ZNF248: variants seen among roughly 807,000 people sequenced by gnomAD.
ZNF248 encodes the protein KRAB protein domain.
In ZNF248, 20 loss-of-function variants were observed where a neutral mutation model predicts 44.3. The observed-to-expected ratio is 0.45, with a 90% confidence interval of 0.32 to 0.66. The LOEUF is 0.66. ZNF248 is among the 30% of genes least tolerant of loss of function. The pLI is 0.04. For missense variants in ZNF248, 654 were observed against 677.0 expected (o/e 0.97, Z 0.38); for synonymous variants, 224 against 229.0 (o/e 0.98, Z 0.20).
At chr10:37,787,157 T>G (rs996263098) in intron 6 of ZNF248, among the ~76,000 whole-genome samples, 1 of 152,076 alleles carries the variant, frequency 6.6e-6, no homozygotes, top group African/African-American at 2.4e-5. Flanking sequence ...TACACGCCTG[T>G]AGTCCCAGCT....
downstream of ZNF248, among the ~76,000 whole-genome samples, chr10:37,825,866 A>C (rs113290221): frequency 5.0e-4 from 75 of 151,244 alleles, no homozygotes; most frequent in African/African-American, 1.6e-3. Flanking sequence ...TAATTTGAAG[A>C]CGACAACTTG....
Position 37,784,416 on chromosome 10 carries a change from GCCA to G in ZNF248, c.331-7844_331-7842del, listed in dbSNP as rs1664454474. Among the ~76,000 whole-genome samples, 3 of 152,302 alleles carry G rather than the reference GCCA, an allele frequency of 2.0e-5. No individual in the cohort carries two copies. In the South Asian group the frequency reaches 6.2e-4, roughly 32 times the overall value. Reference sequence around the variant, plus strand: ...TGTCTCCTGGACTTGTGGAGTAAGAGCCACCAATTGTAGTTAAGGCCACTGATG... The same window carrying G: ...TGTCTCCTGGACTTGTGGAGTAAGAGCCAATTGTAGTTAAGGCCACTGATG... On this transcript the variant is annotated intron_variant, in intron 6 of 6. Transcript: ENST00000615949.
chr10:37,806,447 G>A (rs1436329830), intron 6 of ZNF248, among the ~76,000 whole-genome samples: 1 of 151,942 alleles, frequency 6.6e-6, no homozygotes, highest in African/African-American at 2.4e-5. Context: ...TTGAGGATTA[G>A]GTGGTATCTC....
intron 3 of ZNF248, among the ~76,000 whole-genome samples, chr10:37,855,337 G>A (rs1332412933): frequency 6.6e-6 from 1 of 152,098 alleles, no homozygotes; most frequent in Non-Finnish European, 1.5e-5. Context: ...GAGGAAGGGA[G>A]TGTGAATATA....
intron 3 of ZNF248, 109 bp downstream of exon 3, chr10:37,856,187 A>T: frequency 2.4e-6 from 3 of 1,252,450 alleles, no homozygotes; most frequent in Non-Finnish European, 3.4e-6. Flanking sequence ...TATTTCCCTT[A>T]ATGTCAATTT....
rs1433706873 is a variant in ZNF248 at position 37,832,446 on chromosome 10, C to T, written c.909G>A (p.Gly303=). The T allele has an allele frequency of 6.2e-7, 1 of 1,613,900 alleles. No individual in the cohort carries two copies. The highest frequency in any genetic ancestry group is 1.1e-5 in the South Asian group (1 of 91,074). Residue 303 remains glycine, a synonymous_variant, in exon 6 of 6, where the codon GGG becomes GGA. Transcript: ENST00000395867. ...KDNPYEYNEY[G]EIFCDNSAFI... is the part of the protein sequence containing the mutation. The stretch of plus-strand genomic sequence containing the variant: ...AAGCTGAATTGTCACAGAAGATTTC[C>T]CCATATTCATTATATTCATAAGGAT...
chr10:37,840,278 T>C (rs1469749466), intron 3 of ZNF248, among the ~76,000 whole-genome samples: 1 of 152,100 alleles, frequency 6.6e-6, no homozygotes, highest in Non-Finnish European at 1.5e-5. Flanking sequence ...TGCAAACACT[T>C]ACCTAAAAAG....
In ZNF248 at chr10:37,832,325, T is replaced by C. The variant is rs751843873; in HGVS notation, c.1030A>G (p.Ile344Val). ...WEKSALLKHQIVHMGGKSYDY... is the reference protein window; with the variant it reads ...WEKSALLKHQVVHMGGKSYDY... ...TAAGACTTTCCCCCCATGTGTACTA[T>C]TTGATGTTTTAAGAGAGCTGACTTT... The change falls in exon 6 of 6, where the codon ATA becomes GTA. Residue 344 changes from isoleucine (I) to valine (V), a missense_variant. Transcript: ENST00000395867. 2.5e-5 allele frequency: 40 copies of C among 1,613,982 alleles called. No individual in the cohort carries two copies. Among genetic ancestry groups the C allele is most frequent in the African/African-American group, 4.0e-5 (3 of 74,926 alleles).
chr10:37,781,563 G>A lies in ZNF248; in HGVS notation c.331-4988C>T, dbSNP rs114524647. On this transcript the variant is annotated intron_variant, in intron 6 of 6. Coordinates refer to the ZNF248 transcript ENST00000615949. ...TAATGCCTCAGTACACCCCTTAGCC[G>A]TTAATTCAGTTAATCTGTTAACCCA... Among the ~76,000 whole-genome samples, 411 of 152,252 alleles carry A rather than the reference G, an allele frequency of 2.7e-3. 1 individual carries two copies. Among genetic ancestry groups the A allele is most frequent in the African/African-American group, 8.9e-3 (369 of 41,544 alleles).
At chr10:37,813,614 C>G (rs1208703) in intron 6 of ZNF248, among the ~76,000 whole-genome samples, 9,135 of 152,036 alleles carry the variant, frequency 0.06, 355 homozygotes, top group Middle Eastern at 0.095. Flanking sequence ...TTTTTCTTTA[C>G]CTTACTTTAT....
intron 6 of ZNF248, among the ~76,000 whole-genome samples, chr10:37,809,726 T>C (rs1211033241): frequency 2.0e-5 from 3 of 152,224 alleles, no homozygotes; most frequent in Non-Finnish European, 4.4e-5. Context: ...GTATGTTTTG[T>C]TTCTGTTTTC....
At chr10:37,838,897 G>T (rs113871568) in intron 3 of ZNF248, among the ~76,000 whole-genome samples, 64 of 152,156 alleles carry the variant, frequency 4.2e-4, no homozygotes, top group African/African-American at 1.4e-3. Flanking sequence ...ACACATACAT[G>T]GTATGTGTGC....
intron 6 of ZNF248, among the ~76,000 whole-genome samples, chr10:37,788,768 T>C (rs930337922): frequency 7.9e-5 from 12 of 152,234 alleles, no homozygotes; most frequent in East Asian, 5.8e-4. Context: ...GTTGAGGATA[T>C]GGAGAAACTG....
At chr10:37,762,253 T>A in the ZNF248 span, among the ~76,000 whole-genome samples, 1 of 152,228 alleles carries the variant, frequency 6.6e-6, no homozygotes, top group African/African-American at 2.4e-5. Flanking sequence ...ATGTTCCTCA[T>A]AATAGTGCTA....
At chr10:37,801,633 A>G (rs1298318839) in intron 6 of ZNF248, among the ~76,000 whole-genome samples, 1 of 152,212 alleles carries the variant, frequency 6.6e-6, no homozygotes, top group Non-Finnish European at 1.5e-5. Context: ...CAAAAAACCC[A>G]TAAATATAGG....
At chr10:37,777,032 A>G (rs2046651522) in intron 6 of ZNF248, among the ~76,000 whole-genome samples, 1 of 152,170 alleles carries the variant, frequency 6.6e-6, no homozygotes, top group South Asian at 2.1e-4. Flanking sequence ...AATTTTTTAC[A>G]TATGCCAAAA....
At chr10:37,780,452 T>A (rs2047147078) in intron 6 of ZNF248, among the ~76,000 whole-genome samples, 1 of 152,122 alleles carries the variant, frequency 6.6e-6, no homozygotes. Context: ...CTTGGAAAAC[T>A]GGCTAGCCAT....
At chr10:37,834,657 G>A (rs2056716642) in intron 5 of ZNF248, among the ~76,000 whole-genome samples, 1 of 152,146 alleles carries the variant, frequency 6.6e-6, no homozygotes, top group African/African-American at 2.4e-5. Flanking sequence ...TACAGCCACT[G>A]GTGAGTTAAT....
At chr10:37,816,624 G>A (rs1484152705) in intron 6 of ZNF248, among the ~76,000 whole-genome samples, 3 of 152,186 alleles carry the variant, frequency 2.0e-5, no homozygotes, top group Non-Finnish European at 4.4e-5. Flanking sequence ...TCTCACTGAA[G>A]CTGTCAGCTG....
Sources: allele counts gnomAD v4.1 joint callset (sites outside exome capture counted in the v4.1 genomes callset), GRCh38; gene constraint gnomAD v4.1.1; transcripts MANE v1.5; gene names NCBI Gene and HGNC (gene_info 2026-07-23, HGNC 2026-07-21).